CPPED1: variants seen among roughly 807,000 people sequenced by gnomAD.
CPPED1 encodes the protein calcineurin like phosphoesterase domain containing 1.
A neutral mutation model predicts 28.0 loss-of-function variants in CPPED1; 28 were observed. The ratio of observed to expected loss-of-function variants is 1.00; its 90% confidence interval spans 0.74 to 1.37. The LOEUF is 1.37. Among genes scored for constraint, CPPED1 ranks in the 40% most tolerant of loss-of-function variants. The pLI is 0.00. For synonymous variants in CPPED1, 198 were observed against 180.2 expected, an observed-to-expected ratio of 1.10 and a Z score of -0.79; for missense variants, 504 against 416.5, an observed-to-expected ratio of 1.21 and a Z score of -1.83.
intron 3 of CPPED1, among the ~76,000 whole-genome samples, chr16:12,667,256 G>A (rs1196045141): frequency 6.6e-6 from 1 of 152,140 alleles, no homozygotes; most frequent in Non-Finnish European, 1.5e-5. Flanking sequence ...CACTCCAGAT[G>A]AAATTAATTA....
At chr16:12,672,425 A>T (rs373163759) in intron 3 of CPPED1, among the ~76,000 whole-genome samples, 37 of 152,352 alleles carry the variant, frequency 2.4e-4, no homozygotes, top group African/African-American at 8.2e-4. Flanking sequence ...AAATGACATT[A>T]TGCGCATTTT....
intron 2 of CPPED1, among the ~76,000 whole-genome samples, chr16:12,742,667 G>A (rs2141211884): frequency 6.6e-6 from 1 of 152,284 alleles, no homozygotes; most frequent in East Asian, 1.9e-4. Context: ...ATGAAGACAT[G>A]AATGTTCAAG....
intron 3 of CPPED1, among the ~76,000 whole-genome samples, chr16:12,687,289 A>G (rs368812012): frequency 6.6e-6 from 1 of 152,238 alleles, no homozygotes; most frequent in Non-Finnish European, 1.5e-5. Flanking sequence ...GATAATAAAT[A>G]TTAACATCTT....
intron 2 of CPPED1, among the ~76,000 whole-genome samples, chr16:12,750,598 A>G (rs775286745): frequency 3.9e-5 from 6 of 152,216 alleles, no homozygotes; most frequent in Non-Finnish European, 8.8e-5. Context: ...ACAGATCACC[A>G]TAACAGATAT....
chr16:12,707,044 G>A (rs988558599), intron 2 of CPPED1, among the ~76,000 whole-genome samples: 1 of 152,104 alleles, frequency 6.6e-6, no homozygotes, highest in Non-Finnish European at 1.5e-5. Flanking sequence ...AGCCGAACCC[G>A]GACTGCAGGC....
intron 2 of CPPED1, among the ~76,000 whole-genome samples, chr16:12,755,638 G>A (rs1379432887): frequency 6.6e-6 from 1 of 152,114 alleles, no homozygotes; most frequent in African/African-American, 2.4e-5. Flanking sequence ...TTTTGTGATA[G>A]ATATAAATAC....
intron 2 of CPPED1, chr16:12,759,460 C>T (rs1343796374): frequency 1.3e-5 from 2 of 152,256 alleles, no homozygotes; most frequent in African/African-American, 2.4e-5. Context: ...TGTGTCCTAA[C>T]TGCAAAGAAA....
intron 3 of CPPED1, among the ~76,000 whole-genome samples, chr16:12,699,283 C>T (rs2080007750): frequency 6.6e-6 from 1 of 152,122 alleles, no homozygotes; most frequent in African/African-American, 2.4e-5. Context: ...TCTGTCCTGA[C>T]CTGATAACTG....
At chr16:12,715,420 G>C (rs1456638592) in intron 2 of CPPED1, among the ~76,000 whole-genome samples, 1 of 152,136 alleles carries the variant, frequency 6.6e-6, no homozygotes, top group African/African-American at 2.4e-5. Flanking sequence ...AGCACTCTGG[G>C]AGGCTGAGGT....
chr16:12,769,765 G>C (rs1292439772), intron 2 of CPPED1, among the ~76,000 whole-genome samples: 1 of 152,070 alleles, frequency 6.6e-6, no homozygotes, highest in African/African-American at 2.4e-5. Context: ...TCTGAGCACA[G>C]ACAGCCCCGG....
intron 2 of CPPED1, among the ~76,000 whole-genome samples, chr16:12,750,849 T>C (rs1596470989): frequency 6.6e-6 from 1 of 152,084 alleles, no homozygotes; most frequent in African/African-American, 2.4e-5. Flanking sequence ...CTCATGTCTA[T>C]ACCAGCTACT....
chr16:12,749,980 C>G (rs1202871113), intron 2 of CPPED1, among the ~76,000 whole-genome samples: 1 of 152,190 alleles, frequency 6.6e-6, no homozygotes, highest in Non-Finnish European at 1.5e-5. Context: ...CAAGGAGTCA[C>G]TATCTATGGC....
intron 1 of CPPED1, among the ~76,000 whole-genome samples, chr16:12,781,616 A>C (rs772412151): frequency 3.9e-5 from 6 of 152,194 alleles, no homozygotes; most frequent in Admixed American, 6.5e-5. Context: ...CCCAAAGGCC[A>C]GAACTGTCCA....
At chr16:12,775,462 G>A (rs2080492457) in intron 2 of CPPED1, among the ~76,000 whole-genome samples, 1 of 152,006 alleles carries the variant, frequency 6.6e-6, no homozygotes, top group Admixed American at 6.6e-5. Flanking sequence ...AAATGCTTGG[G>A]ACCAAAGGTG....
intron 3 of CPPED1, among the ~76,000 whole-genome samples, chr16:12,702,170 C>A (rs1256278789): frequency 6.6e-6 from 1 of 152,062 alleles, no homozygotes; most frequent in Non-Finnish European, 1.5e-5. Context: ...GGTTGCAGAT[C>A]TGAGTGGGCA....
chr16:12,766,256 T>TATAGAGAGAG, intron 2 of CPPED1, among the ~76,000 whole-genome samples: 8 of 134,254 alleles, frequency 6.0e-5, no homozygotes, highest in South Asian at 2.1e-4. Flanking sequence ...TATATATATA[T>TATAGAGAGAG]AGAGAGAGAG....
chr16:12,790,919 A>G (rs1216835146), intron 1 of CPPED1, among the ~76,000 whole-genome samples: 1 of 85,126 alleles, frequency 1.2e-5, no homozygotes, highest in Admixed American at 1.1e-4. Flanking sequence ...ACTCTATCTC[A>G]AAAAAAAAAA....
At chr16:12,760,148 G>C (rs546717697) in intron 2 of CPPED1, among the ~76,000 whole-genome samples, 2 of 152,220 alleles carry the variant, frequency 1.3e-5, no homozygotes, top group East Asian at 3.9e-4. Flanking sequence ...CGCTGAATCC[G>C]TAAGAATAAA....
chr16:12,688,777 C>T (rs1242265135), intron 3 of CPPED1, among the ~76,000 whole-genome samples: 1 of 152,176 alleles, frequency 6.6e-6, no homozygotes, highest in East Asian at 1.9e-4. Flanking sequence ...CACGTGGGAA[C>T]ATGCAGAGAA....
Sources: allele counts gnomAD v4.1 joint callset (sites outside exome capture counted in the v4.1 genomes callset), GRCh38; gene constraint gnomAD v4.1.1; transcripts MANE v1.5; gene names NCBI Gene and HGNC (gene_info 2026-07-23, HGNC 2026-07-21).